The following GRAMD4 variants were observed in gnomAD, a reference collection of about 807,000 sequenced individuals.
The protein encoded by GRAMD4 is GRAM domain-containing protein 4.
GRAMD4 carries 25 observed loss-of-function variants against 83.9 expected under a neutral mutation model. The ratio of observed to expected loss-of-function variants is 0.30; its 90% CI spans 0.22 to 0.42. GRAMD4 has a LOEUF of 0.42. Ranked by LOEUF, GRAMD4 falls within the 10% of genes least tolerant of loss-of-function variation. The probability of loss-of-function intolerance (pLI) is 1.00; values close to 1 mark genes in which losing one functional copy is unlikely to be tolerated. For synonymous variants in GRAMD4, 336 were observed against 320.9 expected, an observed-to-expected ratio of 1.05 and a Z score of -0.50; for missense variants, 593 against 788.7, an observed-to-expected ratio of 0.75 and a Z score of 2.97.
At chr22:46,609,489 G>A (rs2081397113) in intron 1 of GRAMD4, among the ~76,000 whole-genome samples, 1 of 152,236 alleles carries the variant, frequency 6.6e-6, no homozygotes, top group Admixed American at 6.5e-5. Context: ...GGTACACAAA[G>A]GCTCTTTTCA....
chr22:46,638,564 CCCCACCTGTGT>C (rs1443751856), intron 3 of GRAMD4, among the ~76,000 whole-genome samples: 1 of 152,198 alleles, frequency 6.6e-6, no homozygotes, highest in African/African-American at 2.4e-5. Context: ...GAGCCTCTCT[CCCCACCTGTGT>C]CCTCCCTGTT....
Position 46,678,480 on chromosome 22 carries a change from C to G in GRAMD4, c.*1229C>G. Reference sequence around the variant, plus strand: ...TGGAGGGAGCGCCCGCAGGCCTGGTCTGCTGGGGCCGCCTGCGCTGGGCTG... The same window carrying G: ...TGGAGGGAGCGCCCGCAGGCCTGGTGTGCTGGGGCCGCCTGCGCTGGGCTG... On this transcript the variant is annotated 3_prime_UTR_variant, in exon 19 of 19. Transcript: ENST00000406902. 2 of 985,344 alleles carry G rather than the reference C, an allele frequency of 2.0e-6. No homozygotes were observed. Among genetic ancestry groups the G allele is most frequent in the Non-Finnish European group, 2.4e-6 (2 of 829,918 alleles). 61.0% of individuals were successfully genotyped at this position (985,344 alleles called of 1,614,324 possible).
intron 1 of GRAMD4, among the ~76,000 whole-genome samples, chr22:46,579,821 C>A (rs995026581): frequency 2.0e-5 from 3 of 152,156 alleles, no homozygotes; most frequent in Non-Finnish European, 2.9e-5. Context: ...GGAGGCTGCC[C>A]CATCTCGGGG....
rs138633050 is a variant in GRAMD4 at position 46,657,925 on chromosome 22, C to T, written c.284-262C>T. 9.0e-4 allele frequency among the ~76,000 whole-genome samples: 137 copies of T among 152,300 alleles called. 1 individual carries two copies. The highest frequency in any genetic ancestry group is 2.9e-3 in the African/African-American group (122 of 41,554). Reference sequence around the variant, plus strand: ...ATGAAGCATAGTGAGGAAATTCACACCCTTGCTTCACCCACCTCTTGCCCC... The same window carrying T: ...ATGAAGCATAGTGAGGAAATTCACATCCTTGCTTCACCCACCTCTTGCCCC... On this transcript the variant is annotated intron_variant, in intron 3 of 18. Transcript: ENST00000406902.
downstream of GRAMD4, among the ~76,000 whole-genome samples, chr22:46,680,508 A>G (rs2082655086): frequency 2.6e-5 from 4 of 151,004 alleles, no homozygotes; most frequent in South Asian, 2.1e-4. Context: ...CTCCATCGAC[A>G]TAGCCAGCCA....
At chr22:46,658,461 T>C (rs1363372639) in intron 4 of GRAMD4, among the ~76,000 whole-genome samples, 154 bp downstream of exon 4, 1 of 150,832 alleles carries the variant, frequency 6.6e-6, no homozygotes, top group East Asian at 2.0e-4. Context: ...CGGCTCTGAC[T>C]GCCCAGGTAT....
At position 46,602,051 on chromosome 22, in the gene GRAMD4, C is replaced by T. The variant is rs573901581; in HGVS notation, c.-49-24700C>T. On this transcript the variant is annotated intron_variant, in intron 1 of 1. Transcript: ENST00000431155. The stretch of plus-strand genomic sequence containing the variant: ...CCAGGCACGTGCTGGCAAGTGACCA[C>T]GTCGGCGGTGGGCTCTCCATGGTGG... Among the ~76,000 whole-genome samples, 406 of 152,316 alleles carry T rather than the reference C, an allele frequency of 2.7e-3. 2 individuals carry two copies. The highest frequency in any genetic ancestry group is 9.1e-3 in the African/African-American group (377 of 41,574).
chr22:46,623,998 T>A lies in GRAMD4; in HGVS notation c.-49-2753T>A, dbSNP rs59847455. On this transcript the variant is annotated intron_variant, in intron 1 of 18. Coordinates refer to ENST00000406902, the MANE Select transcript of GRAMD4 (RefSeq NM_015124.5). ...AGGTTCGCCATGTTGACCAGGCTGG[T>A]CTCAGACTCCTGACCTCAAGTGATC... Among the ~76,000 whole-genome samples the A allele has an allele frequency of 7.8e-3, 1,181 of 152,092 alleles. 15 individuals carry two copies. The highest frequency in any genetic ancestry group is 0.027 in the African/African-American group (1,139 of 41,478).
downstream of GRAMD4, among the ~76,000 whole-genome samples, chr22:46,682,612 C>T (rs537246470): frequency 2.0e-5 from 3 of 152,338 alleles, no homozygotes; most frequent in South Asian, 6.2e-4. Context: ...CTGTGAACTT[C>T]GTTCTAGAGC....
rs1016904361 is a variant in GRAMD4 at position 46,659,030 on chromosome 22, C to T, written c.404+723C>T. ...GCGCAAGTTACAAAGCCAGTGCCCT[C>T]CTGTCTCGCTAACACCACGAGGCTC... On this transcript the variant is annotated intron_variant, in intron 4 of 18. Transcript: ENST00000406902. This position sits in a 1 kb window ranked among gnomAD's most constrained non-coding sequence, Gnocchi z 4.1. Among the ~76,000 whole-genome samples the T allele has an allele frequency of 4.6e-5, 7 of 152,178 alleles. No individual in the cohort carries two copies. The highest frequency in any genetic ancestry group is 6.5e-5 in the Admixed American group (1 of 15,278).
chr22:46,681,903 A>G (rs557911621), downstream of GRAMD4, among the ~76,000 whole-genome samples: 16 of 152,236 alleles, frequency 1.1e-4, no homozygotes, highest in South Asian at 1.0e-3. Flanking sequence ...GCAGCATTCT[A>G]TGGGCTTATG....
chr22:46,677,344 T>C lies in GRAMD4; in HGVS notation c.*93T>C. Reference sequence around the variant, plus strand: ...ATTTGGTAGTGGAAACAATTGGACATCCTCATGAGCTTTTGCAATAATTCT... The same window carrying C: ...ATTTGGTAGTGGAAACAATTGGACACCCTCATGAGCTTTTGCAATAATTCT... On this transcript the variant is annotated 3_prime_UTR_variant, in exon 19 of 19. Transcript: ENST00000406902. 1.4e-6 allele frequency: 2 copies of C among 1,474,318 alleles called. No homozygotes were observed. The allele number at this position is 1,474,318 out of a possible 1,614,324, so 91.3% of individuals were successfully genotyped here. A position where few individuals can be genotyped will look rare whatever the true frequency, so the allele number is the denominator to read the frequency against.
intron 1 of GRAMD4, among the ~76,000 whole-genome samples, chr22:46,608,864 TAGCTG>T (rs1250406875): frequency 4.6e-5 from 7 of 152,192 alleles, no homozygotes; most frequent in Non-Finnish European, 8.8e-5. Flanking sequence ...TTTTAAAAAT[TAGCTG>T]GGCAGTGGCA....
At chr22:46,611,215 T>TC (rs1555957092) in intron 1 of GRAMD4, among the ~76,000 whole-genome samples, 1 of 87,160 alleles carries the variant, frequency 1.1e-5, no homozygotes, top group African/African-American at 4.2e-5. Flanking sequence ...AAACTCCATC[T>TC]CAAAAAAAAA....
chr22:46,624,119 A>G (rs545514050), intron 1 of GRAMD4, among the ~76,000 whole-genome samples: 3 of 152,042 alleles, frequency 2.0e-5, no homozygotes, highest in African/African-American at 7.2e-5. Flanking sequence ...TTAATCCTTC[A>G]TGTATCATAT....
chr22:46,653,172 G>A (rs1252357041), intron 3 of GRAMD4, among the ~76,000 whole-genome samples: 2 of 152,234 alleles, frequency 1.3e-5, no homozygotes, highest in Non-Finnish European at 2.9e-5. Context: ...CGGAAGCTGG[G>A]ACAGGCTGAT....
At chr22:46,629,394 C>T (rs2081730872) in intron 2 of GRAMD4, among the ~76,000 whole-genome samples, 1 of 152,164 alleles carries the variant, frequency 6.6e-6, no homozygotes, top group Non-Finnish European at 1.5e-5. Context: ...TTATTAATGA[C>T]CGTGAAATAC....
At chr22:46,618,286 G>C (rs2081529791), upstream of GRAMD4, among the ~76,000 whole-genome samples, 1 of 152,138 alleles carries the variant, frequency 6.6e-6, no homozygotes, top group South Asian at 2.1e-4. This position sits in a 1 kb window ranked among gnomAD's most constrained non-coding sequence, Gnocchi z 5.8. Context: ...GGGAGCACCA[G>C]GCGGGTTCTA....
upstream of GRAMD4, among the ~76,000 whole-genome samples, chr22:46,619,561 T>G (rs934106152): frequency 1.3e-5 from 2 of 152,308 alleles, no homozygotes; most frequent in African/African-American, 4.8e-5. Context: ...CTCAAAGTGC[T>G]GGGATTACAG....
Sources: gnomAD v4.1 joint callset for allele counts (sites outside exome capture counted in the v4.1 genomes callset) on GRCh38, gnomAD v4.1.1 for gene constraint, Gnocchi (gnomAD v3.1) non-coding constraint, MANE v1.5 for transcripts, NCBI Gene and HGNC (gene_info 2026-07-23, HGNC 2026-07-21) for gene names.